The following WSCD1 variants were observed in gnomAD, a reference collection of about 807,000 sequenced individuals.
WSCD1 encodes WSC domain sialate O sulfotransferase 1, also known as sialate:O-sulfotransferase 1.
A neutral mutation model predicts 60.4 loss-of-function variants in WSCD1; 41 were observed. That is an observed-to-expected ratio of 0.68 (90% CI 0.53 to 0.88). WSCD1 has a LOEUF of 0.88. Among genes scored for constraint, WSCD1 ranks in the 40% least tolerant of loss-of-function variants. The pLI is 0.00. For synonymous variants in WSCD1, 361 were observed against 332.5 expected, an observed-to-expected ratio of 1.09 and a Z score of -0.93; for missense variants, 784 against 796.2, an observed-to-expected ratio of 0.98 and a Z score of 0.18.
intron 5 of WSCD1, among the ~76,000 whole-genome samples, chr17:6,097,683 G>A (rs1211851279): frequency 6.6e-6 from 1 of 152,240 alleles, no homozygotes; most frequent in Non-Finnish European, 1.5e-5. Context: ...ATCACTTTGT[G>A]TGAGTGAATC....
chr17:6,082,144 C>T (rs1219243978), intron 2 of WSCD1, among the ~76,000 whole-genome samples: 1 of 152,186 alleles, frequency 6.6e-6, no homozygotes, highest in African/African-American at 2.4e-5. Context: ...CGCAGTTTTA[C>T]AGGTAAAGAA....
At chr17:6,084,115 C>A (rs2150535105) in intron 2 of WSCD1, among the ~76,000 whole-genome samples, 1 of 152,300 alleles carries the variant, frequency 6.6e-6, no homozygotes, top group African/African-American at 2.4e-5. Flanking sequence ...CCAGTGGCTC[C>A]CAGACCTCCC....
At chr17:6,069,271 G>T, upstream of WSCD1, 1 of 398,914 alleles carries the variant, frequency 2.5e-6, no homozygotes, top group East Asian at 3.6e-5. Context: ...TGGCGGCTTT[G>T]GGGGAACAGG....
intron 1 of WSCD1, among the ~76,000 whole-genome samples, chr17:6,071,814 A>G (rs1033412732): frequency 1.3e-5 from 2 of 152,154 alleles, no homozygotes; most frequent in Non-Finnish European, 2.9e-5. Context: ...TCCTTGGGCT[A>G]TGGGAGAATG....
At chr17:6,093,167 G>GACTGGGGAATGAGGGAGACTA (rs1567554494) in intron 4 of WSCD1, among the ~76,000 whole-genome samples, 41 of 152,260 alleles carry the variant, frequency 2.7e-4, no homozygotes, top group Admixed American at 7.8e-4. Flanking sequence ...GAGGGAGACT[G>GACTGGGGAATGAGGGAGACTA]GACTGTACCA....
Position 6,120,759 on chromosome 17 carries a change from C to A in WSCD1, c.*98C>A. Reference sequence around the variant, plus strand: ...GCTCAGGCCCGTGGCCTCACTGGGACGAACGGTGGGTGGGGGGCTCACCCT... The same window carrying A: ...GCTCAGGCCCGTGGCCTCACTGGGAAGAACGGTGGGTGGGGGGCTCACCCT... On this transcript the variant is annotated 3_prime_UTR_variant, in exon 9 of 9. Coordinates refer to ENST00000317744, the MANE Select transcript of WSCD1 (RefSeq NM_015253.2). 1.5e-6 allele frequency: 2 copies of A among 1,316,590 alleles called. No homozygotes were observed. The highest frequency in any genetic ancestry group is 1.0e-6 in the Non-Finnish European group (1 of 969,246). 81.6% of individuals were successfully genotyped at this position (1,316,590 alleles called of 1,614,324 possible).
intron 2 of WSCD1, among the ~76,000 whole-genome samples, chr17:6,081,346 A>G (rs73974660): frequency 0.052 from 7,860 of 151,676 alleles, 665 homozygotes; most frequent in African/African-American, 0.18. Context: ...TCAGACAGAC[A>G]TTGGCTGGAA....
intron 7 of WSCD1, among the ~76,000 whole-genome samples, chr17:6,114,180 A>G (rs1911572797): frequency 6.6e-6 from 1 of 151,956 alleles, no homozygotes; most frequent in Non-Finnish European, 1.5e-5. Context: ...AAAGAATTAA[A>G]TGCTGTAATT....
intron 5 of WSCD1, among the ~76,000 whole-genome samples, chr17:6,098,512 C>T (rs1392725666): frequency 2.6e-5 from 4 of 152,206 alleles, no homozygotes; most frequent in Non-Finnish European, 5.9e-5. Context: ...TCTGCTATGG[C>T]CGGAGCAGTC....
At chr17:6,073,163 G>A (rs957370784) in intron 1 of WSCD1, among the ~76,000 whole-genome samples, 2 of 152,160 alleles carry the variant, frequency 1.3e-5, no homozygotes, top group African/African-American at 4.8e-5. Context: ...AGTTGGGCAG[G>A]TCTGACTTTG....
rs113141218 is a variant in WSCD1 at position 6,107,281 on chromosome 17, A to T, written c.850-2326A>T. 3.0e-3 allele frequency among the ~76,000 whole-genome samples: 455 copies of T among 152,284 alleles called. 3 individuals carry two copies. The highest frequency in any genetic ancestry group is 0.014 in the Middle Eastern group (4 of 294). The stretch of plus-strand genomic sequence containing the variant: ...TTTGGGAGGCTGAGGCGGGCAGATC[A>T]TCTGAGGTCAGGAGTTCAAGACCAG... On this transcript the variant is annotated intron_variant, in intron 5 of 8. Coordinates refer to ENST00000317744, the MANE Select transcript of WSCD1 (RefSeq NM_015253.2).
At chr17:6,087,180 A>C (rs535888859) in intron 2 of WSCD1, among the ~76,000 whole-genome samples, 2 of 152,306 alleles carry the variant, frequency 1.3e-5, no homozygotes, top group East Asian at 3.9e-4. Flanking sequence ...CCGCGTTTGC[A>C]TCAGGACTGC....
chr17:6,078,678 G>C lies in WSCD1; in HGVS notation c.-288-1693G>C, dbSNP rs77954382. Among the ~76,000 whole-genome samples the C allele has an allele frequency of 1.2e-3, 176 of 152,272 alleles. 3 individuals are homozygous for C. The East Asian group carries it at 0.029, about 25-fold the overall frequency. Reference sequence around the variant, plus strand: ...AGGCTGGATGGGCTGGATCATGAAGGGGCCCTTGTGTGTCATGCTAAGGAG... The same window carrying C: ...AGGCTGGATGGGCTGGATCATGAAGCGGCCCTTGTGTGTCATGCTAAGGAG... On this transcript the variant is annotated intron_variant, in intron 1 of 8. Transcript: ENST00000317744.
chr17:6,071,705 G>A (rs1196816790), intron 1 of WSCD1, among the ~76,000 whole-genome samples: 2 of 152,242 alleles, frequency 1.3e-5, no homozygotes, highest in African/African-American at 2.4e-5. Flanking sequence ...GTGGTGGGGA[G>A]TGAAAGTTAC....
At chr17:6,097,546 C>T (rs1910522424) in intron 5 of WSCD1, among the ~76,000 whole-genome samples, 1 of 152,250 alleles carries the variant, frequency 6.6e-6, no homozygotes. Context: ...CGTCGCGACA[C>T]AAAGTGCTTT....
At chr17:6,119,468 C>T (rs1026988756) in intron 8 of WSCD1, among the ~76,000 whole-genome samples, 18 of 152,188 alleles carry the variant, frequency 1.2e-4, no homozygotes, top group Non-Finnish European at 1.9e-4. Context: ...AAAGCAGTGT[C>T]CAGGCAGGGT....
chr17:6,116,864 T>C (rs1904324407), intron 7 of WSCD1, among the ~76,000 whole-genome samples: 1 of 152,178 alleles, frequency 6.6e-6, no homozygotes. Flanking sequence ...GATAAGCACA[T>C]GAGCACTTAC....
chr17:6,082,765 T>C (rs1057136680), intron 2 of WSCD1, among the ~76,000 whole-genome samples: 2 of 152,052 alleles, frequency 1.3e-5, no homozygotes, highest in Non-Finnish European at 2.9e-5. Flanking sequence ...TAAAAGGAGA[T>C]GAGGCAGGAG....
rs868179751 is a variant in WSCD1, at chr17:6,103,217, C to G, written c.850-6390C>G. Among the ~76,000 whole-genome samples, 5 of 152,114 alleles carry G rather than the reference C, an allele frequency of 3.3e-5. No individual in the cohort carries two copies. The East Asian group carries it at 9.6e-4, about 29-fold the overall frequency. ...TGAGGATTCAGTGACTTTGTGGGCA[C>G]GAACAGTTTTGTGATTTATGTTTTG... On this transcript the variant is annotated intron_variant, in intron 5 of 8. Transcript: ENST00000317744.
Sources: gnomAD v4.1 joint callset for allele counts (sites outside exome capture counted in the v4.1 genomes callset) on GRCh38, gnomAD v4.1.1 for gene constraint, MANE v1.5 for transcripts, NCBI Gene and HGNC (gene_info 2026-07-23, HGNC 2026-07-21) for gene names.